Variants in DRP2 observed in about 807,000 individuals in gnomAD.
DRP2 encodes dystrophin-related protein 2.
DRP2 carries 29 observed loss-of-function variants against 78.2 expected under a neutral mutation model. The ratio of observed to expected loss-of-function variants is 0.37; its 90% confidence interval spans 0.28 to 0.51. The LOEUF (loss-of-function observed/expected upper bound fraction) is 0.51. Among genes scored for constraint, DRP2 ranks in the 20% least tolerant of loss-of-function variants. DRP2 has a pLI of 0.94. For missense variants in DRP2, 686 were observed against 770.6 expected (o/e 0.89, Z 1.30); for synonymous variants, 290 against 281.9 (o/e 1.03, Z -0.29).
In DRP2 at chrX:101,237,623, C is replaced by G; in HGVS notation, c.286C>G (p.Arg96Gly). Residue 96 changes from arginine to glycine, a missense_variant, in exon 5 of 24, where the codon CGC becomes GGC. By Grantham distance (125) the Arg-to-Gly change is moderately radical. Transcript: ENST00000395209. ...IKKKSHNLRA[R>G]LEAFSDHSGK... Reference sequence around the variant, plus strand: ...GGTTTTACTCATTGTGTGCAGCGCTCGCCTAGAGGCCTTCTCAGACCACAG... The same window carrying G: ...GGTTTTACTCATTGTGTGCAGCGCTGGCCTAGAGGCCTTCTCAGACCACAG... 9.0e-7 allele frequency: 1 copy of G among 1,106,664 alleles called. No individual in the cohort carries two copies. The highest frequency in any genetic ancestry group is 1.2e-6 in the Non-Finnish European group (1 of 832,882). The allele number at this position is 1,106,664 out of a possible 1,213,427, so 91.2% of individuals were successfully genotyped here.
intron 1 of DRP2, among the ~76,000 whole-genome samples, chrX:101,222,944 CT>C (rs1921945622): frequency 8.9e-6 from 1 of 112,277 alleles, no homozygotes; most frequent in African/African-American, 3.2e-5. Context: ...ACATATACTA[CT>C]GCTTTATATG....
At chrX:101,253,500 CT>C (rs67849810) in intron 17 of DRP2, among the ~76,000 whole-genome samples, 1,345 of 74,845 alleles carry the variant, frequency 0.018, 33 homozygotes, top group African/African-American at 0.062. Flanking sequence ...GTCTATTTTT[CT>C]TTTTTTTTTT....
chrX:101,243,397 CAAA>C (rs768951598), intron 9 of DRP2, among the ~76,000 whole-genome samples: 1 of 29,124 alleles, frequency 3.4e-5, no homozygotes. Context: ...AACTCCGTCT[CAAA>C]AAAAAAAAAA....
intron 16 of DRP2, 121 bp from the exon 17 acceptor site, chrX:101,252,484 T>C (rs1407792868): frequency 3.8e-6 from 2 of 525,851 alleles, no homozygotes; most frequent in Non-Finnish European, 3.3e-6. Context: ...GGGCATGTTA[T>C]GGCTCCATGC....
In DRP2 at chrX:101,247,154, A is replaced by G; in HGVS notation, c.1242A>G (p.Lys414=). Residue 414 remains lysine, a synonymous_variant, in exon 12 of 24, where the codon AAA becomes AAG. Transcript: ENST00000395209. The stretch of plus-strand genomic sequence containing the variant: ...CCATGAAACTCCGCAGAGTCCAGAA[A>G]GCCCTGCGCTGTACGTCTCCTGTTG... ...RTAMKLRRVQ[K]ALRLDLVTLT... The G allele has an allele frequency of 8.3e-7, 1 of 1,208,558 alleles. No homozygotes were observed. The highest frequency in any genetic ancestry group is 1.1e-6 in the Non-Finnish European group (1 of 893,442).
At chrX:101,236,883 A>AG (rs200752560) in intron 4 of DRP2, among the ~76,000 whole-genome samples, 1,443 of 110,071 alleles carry the variant, frequency 0.013, 28 homozygotes, top group African/African-American at 0.045. Context: ...GGTGGTGGTG[A>AG]GGGGGGGGCA....
intron 8 of DRP2, 81 bp from the exon 9 acceptor site, chrX:101,242,823 T>G: frequency 1.0e-6 from 1 of 964,732 alleles, no homozygotes. Flanking sequence ...AGGAAGCTCA[T>G]AAAGATTCCC....
chrX:101,253,540 C>CTTTTT (rs138161868), intron 17 of DRP2, among the ~76,000 whole-genome samples: 26 of 53,561 alleles, frequency 4.9e-4, no homozygotes, highest in East Asian at 1.7e-3. Flanking sequence ...TTACTTTCAC[C>CTTTTT]TTTTTTTTTT....
chrX:101,224,777 A>G (rs1162554475), intron 2 of DRP2, 71 bp downstream of exon 2: 2 of 112,580 alleles, frequency 1.8e-5, no homozygotes, highest in Non-Finnish European at 3.8e-5. Context: ...GAGCTTGTCC[A>G]TATATGTGCC....
intron 17 of DRP2, among the ~76,000 whole-genome samples, chrX:101,253,981 G>A (rs769449609): frequency 4.5e-5 from 5 of 110,125 alleles, no homozygotes; most frequent in East Asian, 2.9e-4. Context: ...ATATAAAAGC[G>A]TTTAAAGTAT....
chrX:101,249,339 C>T (rs1923048485), intron 14 of DRP2, among the ~76,000 whole-genome samples: 1 of 112,367 alleles, frequency 8.9e-6, no homozygotes, highest in Non-Finnish European at 1.9e-5. Flanking sequence ...CAGATGACAG[C>T]AGTCTGGAAA....
At chrX:101,223,294 C>T (rs1921958452) in intron 1 of DRP2, among the ~76,000 whole-genome samples, 1 of 112,224 alleles carries the variant, frequency 8.9e-6, no homozygotes, top group South Asian at 3.7e-4. Context: ...AGCCACTGCA[C>T]CTGCCTTGAA....
chrX:101,256,141 G>C lies in DRP2; in HGVS notation c.2270G>C (p.Arg757Pro). The C allele has an allele frequency of 8.3e-7, 1 of 1,198,344 alleles. No individual in the cohort carries two copies. Among genetic ancestry groups the C allele is most frequent in the East Asian group, 3.0e-5 (1 of 33,333 alleles). The change falls in exon 21 of 24, where the codon CGG becomes CCG. Residue 757 changes from arginine (R) to proline (P), a missense_variant. Physicochemically the swap from Arg to Pro is moderately radical, Grantham distance 103 (BLOSUM62 -2). Coordinates refer to ENST00000395209, the MANE Select transcript of DRP2 (RefSeq NM_001939.3). ...AGAGACGAGGACCAGTACCTGCTGC[G>C]GCACTCCAGCCCCATCACAGACCGG... ...DSIDEDQYLL[R>P]HSSPITDREP...
At chrX:101,250,615 G>T (rs1356505803) in intron 15 of DRP2, 35 bp downstream of exon 15, 1 of 1,164,327 alleles carries the variant, frequency 8.6e-7, no homozygotes, top group Non-Finnish European at 1.2e-6. Flanking sequence ...GGAGGGAAGG[G>T]AGGTTGCAGG....
At position 101,260,618 on chromosome X, in the gene DRP2, T is replaced by C. The variant is rs748704942; in HGVS notation, c.2871T>C (p.Ser957=). Residue 957 remains serine (S), a synonymous_variant, in exon 24 of 24, where the codon TCT becomes TCC. Transcript: ENST00000395209. ...TGACTGCCAACACCCTGCTGGCCTC[T>C]TGATGGAGCCAGATCCCCATCCTAT... ...SDVTANTLLA[S] 2.5e-5 allele frequency: 30 copies of C among 1,208,499 alleles called. No individual in the cohort carries two copies. In the South Asian group the frequency reaches 4.3e-4, roughly 17 times the overall value.
intron 4 of DRP2, among the ~76,000 whole-genome samples, chrX:101,236,948 A>G (rs1227919664): frequency 8.9e-6 from 1 of 111,807 alleles, no homozygotes; most frequent in African/African-American, 3.3e-5. Flanking sequence ...ATGGCTGCAC[A>G]TATCCTTGGC....
At chrX:101,246,242 C>T (rs1049893845) in intron 11 of DRP2, among the ~76,000 whole-genome samples, 10 of 112,014 alleles carry the variant, frequency 8.9e-5, no homozygotes, top group Admixed American at 8.5e-4. Context: ...ATTTTATCAC[C>T]GGATTAGTGC....
At chrX:101,235,760 C>T (rs1323491716) in intron 3 of DRP2, 100 bp from the exon 4 acceptor site, 1 of 886,078 alleles carries the variant, frequency 1.1e-6, no homozygotes, top group Admixed American at 3.0e-5. Flanking sequence ...CTGGCAGCAA[C>T]CCTTCTCTCC....
At chrX:101,243,397 C>CAAA (rs768951598) in intron 9 of DRP2, among the ~76,000 whole-genome samples, 2 of 29,111 alleles carry the variant, frequency 6.9e-5, no homozygotes, top group Admixed American at 3.8e-4. Context: ...AACTCCGTCT[C>CAAA]AAAAAAAAAA....
Sources: gnomAD v4.1 joint callset for allele counts (sites outside exome capture counted in the v4.1 genomes callset) on GRCh38, gnomAD v4.1.1 for gene constraint, MANE v1.5 for transcripts, NCBI Gene and HGNC (gene_info 2026-07-23, HGNC 2026-07-21) for gene names.